NEU3: variants seen among roughly 807,000 people sequenced by gnomAD.
NEU3 encodes the protein sialidase-3.
NEU3 carries 10 observed loss-of-function variants against 11.4 expected under a neutral mutation model. That is an observed-to-expected ratio of 0.88 (90% confidence interval 0.54 to 1.49). NEU3 has a LOEUF of 1.49. Ranked by LOEUF, NEU3 falls within the 40% of genes most tolerant of loss-of-function variation. The pLI is 0.00. For synonymous variants in NEU3, 212 were observed against 228.2 expected (o/e 0.93, Z 0.64); for missense variants, 529 against 581.8 (o/e 0.91, Z 0.93).
In NEU3 at chr11:75,005,940, G is replaced by A. The variant is rs775221082; in HGVS notation, c.834G>A (p.Arg278=). The A allele has an allele frequency of 6.2e-6, 10 of 1,613,694 alleles. No homozygotes were observed. Among genetic ancestry groups the A allele is most frequent in the Non-Finnish European group, 7.6e-6 (9 of 1,179,842 alleles). Residue 278 remains arginine (R), a synonymous_variant, in exon 3 of 3, where the codon CGG becomes CGA. Transcript: ENST00000294064. The part of the protein sequence containing the change: ...AGHPVLYCSA[R]TPNRCRAEAL... Reference sequence around the variant, plus strand: ...ACCCTGTGCTATATTGCAGTGCCCGGACACCAAACAGGTGCCGGGCAGAGG... The same window carrying A: ...ACCCTGTGCTATATTGCAGTGCCCGAACACCAAACAGGTGCCGGGCAGAGG...
intron 1 of NEU3, among the ~76,000 whole-genome samples, chr11:74,990,885 A>G (rs902284115): frequency 2.6e-5 from 4 of 152,234 alleles, no homozygotes; most frequent in Non-Finnish European, 4.4e-5. Flanking sequence ...TGTAATTGTT[A>G]TTATTGTCAT....
At chr11:74,992,337 T>C (rs1948741739) in intron 1 of NEU3, among the ~76,000 whole-genome samples, 1 of 152,246 alleles carries the variant, frequency 6.6e-6, no homozygotes, top group South Asian at 2.1e-4. Flanking sequence ...CTCACTTGGA[T>C]TGGGTTTCTT....
At chr11:75,014,315 A>G (rs1458736922), downstream of NEU3, among the ~76,000 whole-genome samples, 2 of 152,236 alleles carry the variant, frequency 1.3e-5, no homozygotes, top group African/African-American at 4.8e-5. Flanking sequence ...GACACGAGGC[A>G]GATCTCTGAG....
chr11:74,990,357 C>A (rs1237679199), intron 1 of NEU3, among the ~76,000 whole-genome samples: 3 of 151,966 alleles, frequency 2.0e-5, no homozygotes, highest in Non-Finnish European at 4.4e-5. Context: ...TATTTCCTCT[C>A]CATTTCCTTT....
rs781223780 is a variant in NEU3, at chr11:75,005,996, A to G, written c.890A>G (p.Gln297Arg). 2 of 1,613,980 alleles carry G rather than the reference A, an allele frequency of 1.2e-6. No homozygotes were observed. The highest frequency in any genetic ancestry group is 1.7e-5 in the Admixed American group (1 of 60,032). ...ALSTDHGEGF[Q>R]RLALSRQLCE... is the part of the protein sequence containing the mutation. Reference sequence around the variant, plus strand: ...AGCACTGACCATGGTGAAGGCTTTCAGAGACTGGCCCTGAGTCGACAGCTC... The same window carrying G: ...AGCACTGACCATGGTGAAGGCTTTCGGAGACTGGCCCTGAGTCGACAGCTC... The change falls in exon 3 of 3, where the codon CAG becomes CGG. Residue 297 changes from glutamine to arginine, a missense_variant. Coordinates refer to ENST00000294064, the MANE Select transcript of NEU3 (RefSeq NM_006656.6).
At position 75,005,738 on chromosome 11, in the gene NEU3, C is replaced by T. The variant is rs781705613; in HGVS notation, c.632C>T (p.Ala211Val). The change falls in exon 3 of 3, where the codon GCG becomes GTG. Residue 211 changes from alanine to valine, a missense_variant. By Grantham distance (64) the Ala-to-Val change is moderately conservative (BLOSUM62 0). Transcript: ENST00000294064. ...QLQSGRLVIP[A>V]YTYYIPSWFF... ...CAGTCAGGGAGACTGGTCATCCCTG[C>T]GTATACCTACTACATCCCTTCCTGG... is the stretch of plus-strand genomic sequence containing the variant. The T allele has an allele frequency of 9.3e-6, 15 of 1,613,826 alleles. No individual in the cohort carries two copies. Among genetic ancestry groups the T allele is most frequent in the Admixed American group, 8.3e-5 (5 of 59,996 alleles).
At chr11:74,989,490 T>G (rs771827748) in intron 1 of NEU3, among the ~76,000 whole-genome samples, 1 of 152,156 alleles carries the variant, frequency 6.6e-6, no homozygotes, top group Non-Finnish European at 1.5e-5. Flanking sequence ...GATTTTACTG[T>G]GGAGTGGCGT....
chr11:75,017,138 A>C (rs551586572), intron 3 of NEU3, among the ~76,000 whole-genome samples: 1 of 152,208 alleles, frequency 6.6e-6, no homozygotes, highest in African/African-American at 2.4e-5. Context: ...GAGGAAAGCT[A>C]TAATGTCCTT....
intron 2 of NEU3, chr11:74,994,921 G>T (rs1948773271): frequency 1.4e-6 from 1 of 690,500 alleles, no homozygotes; most frequent in South Asian, 1.5e-5. Flanking sequence ...GCCATTCTGT[G>T]TCGTAGGTAC....
chr11:75,000,776 A>ATTTATTT (rs1555118926), intron 2 of NEU3, among the ~76,000 whole-genome samples: 11 of 134,494 alleles, frequency 8.2e-5, no homozygotes, highest in South Asian at 2.6e-4. Flanking sequence ...ATACCCAGCT[A>ATTTATTT]ATTTATTTAT....
downstream of NEU3, among the ~76,000 whole-genome samples, chr11:75,015,410 C>T (rs1328338553): frequency 6.6e-6 from 1 of 152,174 alleles, no homozygotes; most frequent in Non-Finnish European, 1.5e-5. Context: ...GTAGCCTGAA[C>T]TAAGACGTGT....
Position 75,006,264 on chromosome 11 carries a change from G to A in NEU3, c.1158G>A (p.Glu386=), listed in dbSNP as rs200560033. 3 of 1,613,886 alleles carry A rather than the reference G, an allele frequency of 1.9e-6. No individual in the cohort carries two copies. In the African/African-American group the frequency reaches 4.0e-5, roughly 22 times the overall value. ...TCTATCTCAACCAGACCCCCTTGGA[G>A]GCTGCCTGCTGGTCCCGCCCCTGGA... ...LGIYLNQTPL[E]AACWSRPWIL... Residue 386 remains glutamate, a synonymous_variant, in exon 3 of 3, where the codon GAG becomes GAA. Transcript: ENST00000294064.
At chr11:74,992,635 G>A (rs1323957488) in intron 1 of NEU3, among the ~76,000 whole-genome samples, 1 of 152,136 alleles carries the variant, frequency 6.6e-6, no homozygotes, top group African/African-American at 2.4e-5. Context: ...CATTATGGCA[G>A]GGTAGCCAAC....
At chr11:75,000,925 G>T (rs1329546413) in intron 2 of NEU3, among the ~76,000 whole-genome samples, 2 of 151,982 alleles carry the variant, frequency 1.3e-5, no homozygotes, top group African/African-American at 4.8e-5. Flanking sequence ...CTATGAATAA[G>T]GGTGTGAAAA....
intron 1 of NEU3, among the ~76,000 whole-genome samples, chr11:74,994,261 A>T (rs1293988954): frequency 6.6e-6 from 1 of 152,228 alleles, no homozygotes; most frequent in South Asian, 2.1e-4. Context: ...TCCAAGATAC[A>T]TACTTGATAC....
In NEU3 at chr11:75,002,515, A is replaced by T. The variant is rs543907253; in HGVS notation, c.307-2898A>T. On this transcript the variant is annotated intron_variant, in intron 2 of 2. Coordinates refer to ENST00000294064, the MANE Select transcript of NEU3 (RefSeq NM_006656.6). ...TCTCTTCAGTGCTGCTTCATGCAGT[A>T]GCAAAGCAAAGAAGTATGTACTCTT... Among the ~76,000 whole-genome samples the T allele has an allele frequency of 9.2e-5, 14 of 152,384 alleles. 1 individual carries two copies. The South Asian group carries it at 2.9e-3, about 32-fold the overall frequency.
rs759213994 is a variant in NEU3 at position 75,005,391 on chromosome 11, T to C, written c.307-22T>C. 1.2e-5 allele frequency: 18 copies of C among 1,559,650 alleles called. No individual in the cohort carries two copies. In the East Asian group the frequency reaches 4.1e-4, roughly 35 times the overall value. On this transcript the variant is annotated intron_variant, in intron 2 of 2. Coordinates refer to ENST00000294064, the MANE Select transcript of NEU3 (RefSeq NM_006656.6). Reference sequence around the variant, plus strand: ...TTTCCTATTAGTATCTCACTCCTACTTTCTCCCTTCTCCTTGTCTAGTGGG... The same window carrying C: ...TTTCCTATTAGTATCTCACTCCTACCTTCTCCCTTCTCCTTGTCTAGTGGG...
At chr11:75,018,341 G>A (rs575733521) in intron 3 of NEU3, among the ~76,000 whole-genome samples, 53 of 152,258 alleles carry the variant, frequency 3.5e-4, no homozygotes, top group African/African-American at 1.3e-3. Flanking sequence ...GGGTGTGTCT[G>A]TGAGGGTGTT....
upstream of NEU3, among the ~76,000 whole-genome samples, chr11:74,986,957 A>G (rs1190741193): frequency 6.6e-6 from 1 of 152,202 alleles, no homozygotes; most frequent in Non-Finnish European, 1.5e-5. Flanking sequence ...GGGCAATAGT[A>G]TATGTGAGAG....
Sources: gnomAD v4.1 joint callset for allele counts (sites outside exome capture counted in the v4.1 genomes callset) on GRCh38, gnomAD v4.1.1 for gene constraint, MANE v1.5 for transcripts, NCBI Gene and HGNC (gene_info 2026-07-23, HGNC 2026-07-21) for gene names.